NAV3: variants seen among roughly 807,000 people sequenced by gnomAD.
NAV3 encodes the protein neuron navigator 3, also known as pore membrane and/or filament interacting like protein 1.
Under a neutral mutation model 244.7 loss-of-function variants are expected in NAV3, and 87 were observed. The observed-to-expected ratio is 0.36, with a 90% CI of 0.30 to 0.42. NAV3 has a LOEUF of 0.42. Ranked by LOEUF, NAV3 falls within the 20% of genes least tolerant of loss-of-function variation. The probability of loss-of-function intolerance (pLI) is 1.00; values close to 1 mark genes in which losing one functional copy is unlikely to be tolerated. For synonymous variants in NAV3, 1,126 were observed against 1,042.2 expected, an observed-to-expected ratio of 1.08 and a Z score of -1.55; for missense variants, 2,663 against 2,893.3, an observed-to-expected ratio of 0.92 and a Z score of 1.83.
intron 31 of NAV3, among the ~76,000 whole-genome samples, chr12:78,186,142 C>A (rs1377446462): frequency 6.6e-6 from 1 of 151,770 alleles, no homozygotes; most frequent in Non-Finnish European, 1.5e-5. Context: ...CTTGGTAGGA[C>A]AAATTCCATT....
At chr12:77,688,307 CT>C (rs1288207172) in intron 2 of NAV3, among the ~76,000 whole-genome samples, 1 of 152,048 alleles carries the variant, frequency 6.6e-6, no homozygotes, top group Non-Finnish European at 1.5e-5. Flanking sequence ...AAGACTACCC[CT>C]GACCCCCTAG....
intron 1 of NAV3, among the ~76,000 whole-genome samples, chr12:77,930,464 G>C (rs1888674095): frequency 6.6e-6 from 1 of 150,426 alleles, no homozygotes; most frequent in South Asian, 2.1e-4. Flanking sequence ...GTTTCCAACA[G>C]ATCTGTAAAA....
intron 2 of NAV3, among the ~76,000 whole-genome samples, chr12:77,804,989 G>C (rs1871899567): frequency 6.6e-6 from 1 of 152,030 alleles, no homozygotes; most frequent in Non-Finnish European, 1.5e-5. Context: ...TTGGTGTATA[G>C]AAACGCTTCT....
intron 12 of NAV3, among the ~76,000 whole-genome samples, chr12:78,081,996 C>T (rs563167595): frequency 7.2e-4 from 110 of 152,314 alleles, no homozygotes; most frequent in African/African-American, 2.5e-3. Flanking sequence ...TAATTCCCAC[C>T]TGTCGTGGGA....
chr12:78,035,520 T>C (rs1381302076), intron 9 of NAV3, among the ~76,000 whole-genome samples: 2 of 152,170 alleles, frequency 1.3e-5, no homozygotes, highest in Non-Finnish European at 2.9e-5. Flanking sequence ...TCTGTTTTTA[T>C]GAAAACATTA....
In NAV3 at chr12:78,210,631, A is replaced by C; in HGVS notation, c.*114A>C. 7.8e-7 allele frequency: 1 copy of C among 1,278,572 alleles called. No individual in the cohort carries two copies. The highest frequency in any genetic ancestry group is 1.5e-5 in the African/African-American group (1 of 66,262). 79.2% of individuals were successfully genotyped at this position (1,278,572 alleles called of 1,614,324 possible). ...AGCACCCTGTCAAGGGCCCTGACCC[A>C]GAGTTGTGGTCTCCAAGGAGGCAGC... is the stretch of plus-strand genomic sequence containing the variant. On this transcript the variant is annotated 3_prime_UTR_variant, in exon 40 of 40. Transcript: ENST00000397909.
chr12:78,063,626 A>G (rs1344703782), intron 12 of NAV3, among the ~76,000 whole-genome samples: 1 of 152,182 alleles, frequency 6.6e-6, no homozygotes, highest in Non-Finnish European at 1.5e-5. Flanking sequence ...CCCTCTTAAT[A>G]GATGTCTATA....
At chr12:78,176,495 A>G (rs769540222) in intron 26 of NAV3, 36 bp downstream of exon 26, 18 of 1,610,216 alleles carry the variant, frequency 1.1e-5, no homozygotes, top group East Asian at 2.2e-5. Flanking sequence ...GCATGCATCT[A>G]TAAAAAAACC....
chr12:77,807,563 T>C (rs1443318779), intron 2 of NAV3, among the ~76,000 whole-genome samples: 4 of 152,254 alleles, frequency 2.6e-5, no homozygotes, highest in African/African-American at 9.6e-5. Flanking sequence ...TCTGATGGGC[T>C]TCCCTTTGTG....
intron 2 of NAV3, among the ~76,000 whole-genome samples, chr12:77,778,225 CTCCTT>C (rs1415999883): frequency 1.4e-5 from 2 of 142,138 alleles, no homozygotes; most frequent in African/African-American, 5.2e-5. Context: ...TTCCTCTCCT[CTCCTT>C]TCTTCTTTCC....
At position 77,920,976 on chromosome 12, in the gene NAV3, A is replaced by G. The variant is rs113259757; in HGVS notation, c.244-19343A>G. On this transcript the variant is annotated intron_variant, in intron 1 of 39. Coordinates refer to ENST00000397909, the MANE Select transcript of NAV3 (RefSeq NM_001024383.2). Reference sequence around the variant, plus strand: ...GGCTGTGGGTACTTTCAATTAGAGAATTTTGAACCTGTGTTTGAAGATTTG... The same window carrying G: ...GGCTGTGGGTACTTTCAATTAGAGAGTTTTGAACCTGTGTTTGAAGATTTG... 8.1e-3 allele frequency among the ~76,000 whole-genome samples: 1,237 copies of G among 152,180 alleles called. 15 individuals carry two copies. Among genetic ancestry groups the G allele is most frequent in the South Asian group, 0.043 (208 of 4,830 alleles).
chr12:77,889,141 G>C (rs368407190), intron 1 of NAV3, among the ~76,000 whole-genome samples: 6 of 152,132 alleles, frequency 3.9e-5, no homozygotes, highest in Admixed American at 3.9e-4. Context: ...ATATGAAGGC[G>C]TCTGGATGAG....
chr12:77,760,977 C>T (rs2887596), intron 2 of NAV3, among the ~76,000 whole-genome samples: 71,096 of 152,046 alleles, frequency 0.47, 16,814 homozygotes, highest in Middle Eastern at 0.53. Flanking sequence ...CTCTCCACTT[C>T]GGGAATTCCA....
chr12:77,648,341 T>G (rs1391452120), intron 2 of NAV3, among the ~76,000 whole-genome samples: 1 of 152,090 alleles, frequency 6.6e-6, no homozygotes, highest in African/African-American at 2.4e-5. Context: ...TTAATTTTGC[T>G]TAATTAGTTG....
chr12:78,051,820 A>G (rs563585831), intron 11 of NAV3, among the ~76,000 whole-genome samples: 207 of 152,358 alleles, frequency 1.4e-3, no homozygotes, highest in Non-Finnish European at 2.6e-3. Flanking sequence ...TGTAATTGCC[A>G]TTTTTAGCAT....
intron 2 of NAV3, among the ~76,000 whole-genome samples, chr12:77,746,013 T>A (rs1169321903): frequency 2.8e-5 from 4 of 142,722 alleles, no homozygotes; most frequent in South Asian, 4.5e-4. Flanking sequence ...AAAAGGAACA[T>A]GTCTATCCTA....
chr12:77,946,215 A>G (rs1890333061), intron 3 of NAV3, among the ~76,000 whole-genome samples: 1 of 145,078 alleles, frequency 6.9e-6, no homozygotes, highest in African/African-American at 2.5e-5. Flanking sequence ...ATACATACAC[A>G]TATATGTGTA....
At chr12:77,887,560 C>G (rs182629624) in intron 1 of NAV3, among the ~76,000 whole-genome samples, 8 of 152,176 alleles carry the variant, frequency 5.3e-5, no homozygotes, top group Non-Finnish European at 1.2e-4. Context: ...GCAATATCTA[C>G]TTTGTTTATT....
intron 5 of NAV3, among the ~76,000 whole-genome samples, chr12:77,979,608 C>T (rs1277186012): frequency 6.7e-6 from 1 of 148,636 alleles, no homozygotes; most frequent in Non-Finnish European, 1.5e-5. Context: ...ACATACACCT[C>T]TTTATGTGCC....
Sources: gnomAD v4.1 joint callset for allele counts (sites outside exome capture counted in the v4.1 genomes callset) on GRCh38, gnomAD v4.1.1 for gene constraint, MANE v1.5 for transcripts, NCBI Gene and HGNC (gene_info 2026-07-23, HGNC 2026-07-21) for gene names.